The following MMP20 variants were observed in gnomAD, a reference collection of about 807,000 sequenced individuals.
MMP20 encodes matrix metalloproteinase-20.
In MMP20, 50 loss-of-function variants were observed where a neutral mutation model predicts 51.8. The ratio of observed to expected loss-of-function variants is 0.97; its 90% CI spans 0.77 to 1.22. The LOEUF (loss-of-function observed/expected upper bound fraction) is 1.22, where lower values mean the gene tolerates loss of function less well. Ranked by LOEUF, MMP20 falls within the 50% of genes most tolerant of loss-of-function variation. The pLI, the probability that MMP20 is intolerant of heterozygous loss-of-function variation, is 0.00. For synonymous variants in MMP20, 244 were observed against 216.2 expected (o/e 1.13, Z -1.13); for missense variants, 663 against 601.4 (o/e 1.10, Z -1.07).
At position 102,603,954 on chromosome 11, in the gene MMP20, A is replaced by G. The variant is rs1337683320; in HGVS notation, c.953+2581T>C. 2.0e-5 allele frequency among the ~76,000 whole-genome samples: 3 copies of G among 152,212 alleles called. No individual in the cohort carries two copies. The East Asian group carries it at 5.8e-4, about 29-fold the overall frequency. On this transcript the variant is annotated intron_variant, in intron 6 of 9. Transcript: ENST00000260228. Reference sequence around the variant, plus strand: ...AGTATTTATAATCAAGACTATGTCAAAAGATGTATTGACTTTAAGTAGTCA... The same window carrying G: ...AGTATTTATAATCAAGACTATGTCAGAAGATGTATTGACTTTAAGTAGTCA...
In MMP20 at chr11:102,606,634, G is replaced by T; in HGVS notation, c.854C>A (p.Ala285Asp). The part of the protein sequence containing the change: ...VFLGKPTLPH[A>D]PHHKPSIPDL... ...AGGGATGGATGGCTTGTGATGGGGGGCATGGGGCAGAGTGGGCTTCCCCAG... is the reference window on the plus strand; with the variant it reads ...AGGGATGGATGGCTTGTGATGGGGGTCATGGGGCAGAGTGGGCTTCCCCAG... Residue 285 changes from alanine (A) to aspartate (D), a missense_variant, in exon 6 of 10, where the codon GCC becomes GAC. By Grantham distance (126) the Ala-to-Asp change is moderately radical. Transcript: ENST00000260228. 1 of 1,613,926 alleles carries T rather than the reference G, an allele frequency of 6.2e-7. No individual in the cohort carries two copies. The highest frequency in any genetic ancestry group is 8.5e-7 in the Non-Finnish European group (1 of 1,179,828).
chr11:102,586,290 T>G (rs1424947007), intron 8 of MMP20, among the ~76,000 whole-genome samples: 1 of 152,236 alleles, frequency 6.6e-6, no homozygotes, highest in Non-Finnish European at 1.5e-5. Context: ...CTTTTCTTTG[T>G]GGATAGTTTT....
chr11:102,581,017 A>C (rs978610677), intron 8 of MMP20, among the ~76,000 whole-genome samples: 13 of 152,220 alleles, frequency 8.5e-5, no homozygotes, highest in African/African-American at 2.4e-4. Context: ...CAACAGATAC[A>C]GTCTGATGGT....
intron 8 of MMP20, among the ~76,000 whole-genome samples, chr11:102,580,578 G>T (rs1859180983): frequency 6.6e-6 from 1 of 152,224 alleles, no homozygotes; most frequent in South Asian, 2.1e-4. Flanking sequence ...CAGAATGTTT[G>T]GAGCTAGGGG....
At chr11:102,624,530 G>C (rs920743874) in intron 1 of MMP20, among the ~76,000 whole-genome samples, 1 of 150,290 alleles carries the variant, frequency 6.7e-6, no homozygotes, top group African/African-American at 2.5e-5. Context: ...AGCAGTCATA[G>C]AGGAGAGATC....
chr11:102,599,250 C>T (rs1859418476), intron 6 of MMP20, among the ~76,000 whole-genome samples: 1 of 152,086 alleles, frequency 6.6e-6, no homozygotes, highest in South Asian at 2.1e-4. Flanking sequence ...GAATTCCTGA[C>T]CTCAAGTGAT....
intron 8 of MMP20, chr11:102,583,482 A>G (rs1859219057): frequency 6.6e-6 from 1 of 152,194 alleles, no homozygotes; most frequent in South Asian, 2.1e-4. Flanking sequence ...ACAATTGCCT[A>G]CAGTATTCAG....
chr11:102,594,856 C>A, intron 6 of MMP20, 99 bp from the exon 7 acceptor site: 1 of 1,448,964 alleles, frequency 6.9e-7, no homozygotes, highest in Non-Finnish European at 9.4e-7. Flanking sequence ...AGAGGCCACT[C>A]ACTAAATGCC....
chr11:102,576,881 T>C lies in MMP20; in HGVS notation c.*445A>G, dbSNP rs1004031294. ...AAAATTGGGAAATTTATATTTATTATAACAAATGATGGCCAAATGATGGCC... is the reference window on the plus strand; with the variant it reads ...AAAATTGGGAAATTTATATTTATTACAACAAATGATGGCCAAATGATGGCC... On this transcript the variant is annotated 3_prime_UTR_variant, in exon 10 of 10. Coordinates refer to ENST00000260228, the MANE Select transcript of MMP20 (RefSeq NM_004771.4). 5.8e-6 allele frequency: 1 copy of C among 173,196 alleles called. No homozygotes were observed. Among genetic ancestry groups the C allele is most frequent in the African/African-American group, 2.4e-5 (1 of 41,576 alleles). 10.7% of individuals were successfully genotyped at this position (173,196 alleles called of 1,614,324 possible).
At chr11:102,621,220 T>C (rs888601861) in intron 1 of MMP20, among the ~76,000 whole-genome samples, 2 of 152,242 alleles carry the variant, frequency 1.3e-5, no homozygotes, top group African/African-American at 4.8e-5. Context: ...AGTGATGGCC[T>C]TCCCATGTTA....
chr11:102,583,712 ACAAT>A (rs1859221707), intron 8 of MMP20: 1 of 152,210 alleles, frequency 6.6e-6, no homozygotes, highest in African/African-American at 2.4e-5. Flanking sequence ...TACCATCAAC[ACAAT>A]CAATTTTAGA....
chr11:102,611,755 C>T lies in MMP20; in HGVS notation c.523G>A (p.Asp175Asn), dbSNP rs1859602948. 1 of 1,613,850 alleles carries T rather than the reference C, an allele frequency of 6.2e-7. No homozygotes were observed. Among genetic ancestry groups the T allele is most frequent in the Non-Finnish European group, 8.5e-7 (1 of 1,180,004 alleles). Residue 175 changes from aspartate (D) to asparagine (N), a missense_variant and splice_region_variant, in exon 3 of 10, where the codon GAT becomes AAT. Coordinates refer to ENST00000260228, the MANE Select transcript of MMP20 (RefSeq NM_004771.4). ...AGATGGAATCCAAGTACCACAATAC[C>T]TCCATTTTCAAAAGATATCATAATA... is the stretch of plus-strand genomic sequence containing the variant. ...ADIMISFENG[D>N]HGDSYPFDGP...
Position 102,625,177 on chromosome 11 carries a change from G to C in MMP20, c.126+17C>G. The C allele has an allele frequency of 1.2e-6, 2 of 1,613,384 alleles. No homozygotes were observed. Among genetic ancestry groups the C allele is most frequent in the Non-Finnish European group, 1.7e-6 (2 of 1,179,682 alleles). ...AGGGCAGAGGAGCAAGAAGGAATTG[G>C]GCAAAAATTCACAAACCTGTGCGAG... On this transcript the variant is annotated intron_variant, in intron 1 of 9. Transcript: ENST00000260228.
At chr11:102,593,163 C>T (rs1313189295) in intron 8 of MMP20, among the ~76,000 whole-genome samples, 1 of 152,126 alleles carries the variant, frequency 6.6e-6, no homozygotes, top group Non-Finnish European at 1.5e-5. Flanking sequence ...CGCTTTTAGG[C>T]CACTAGGTGT....
chr11:102,604,177 A>T (rs1487947828), intron 6 of MMP20, among the ~76,000 whole-genome samples: 1 of 152,174 alleles, frequency 6.6e-6, no homozygotes, highest in Non-Finnish European at 1.5e-5. Flanking sequence ...TCACTGCTTT[A>T]TCACTGAATG....
intron 6 of MMP20, 150 bp downstream of exon 6, chr11:102,606,385 C>T (rs1016951639): frequency 3.8e-6 from 4 of 1,061,748 alleles, no homozygotes; most frequent in Non-Finnish European, 5.7e-6. Context: ...TCTATCTCCC[C>T]CAAAGACCCC....
intron 1 of MMP20, 60 bp downstream of exon 1, chr11:102,625,134 T>C (rs1859804945): frequency 1.2e-6 from 2 of 1,604,718 alleles, no homozygotes; most frequent in Non-Finnish European, 1.7e-6. Flanking sequence ...TTTCTCACTA[T>C]GCCCTTTTAG....
At chr11:102,605,830 C>T (rs1197835632) in intron 6 of MMP20, among the ~76,000 whole-genome samples, 4 of 152,200 alleles carry the variant, frequency 2.6e-5, no homozygotes, top group Non-Finnish European at 5.9e-5. Flanking sequence ...CTATGTTTCT[C>T]TTTGCCTCCA....
At chr11:102,625,094 T>C (rs755278927) in intron 1 of MMP20, 100 bp downstream of exon 1, 19 of 1,491,484 alleles carry the variant, frequency 1.3e-5, no homozygotes, top group Non-Finnish European at 1.8e-5. Flanking sequence ...ATAAAATGAT[T>C]TTAAAAGAAC....
Sources: allele counts gnomAD v4.1 joint callset (sites outside exome capture counted in the v4.1 genomes callset), GRCh38; gene constraint gnomAD v4.1.1; transcripts MANE v1.5; gene names NCBI Gene and HGNC (gene_info 2026-07-23, HGNC 2026-07-21).